Variants in DGKB observed in about 807,000 individuals in gnomAD.
DGKB encodes 90 kDa diacylglycerol kinase.
In DGKB, 67 loss-of-function variants were observed where a neutral mutation model predicts 114.3. That is an observed-to-expected ratio of 0.59 (90% CI 0.48 to 0.72). DGKB has a LOEUF of 0.72. DGKB is among the 30% of genes least tolerant of loss of function. DGKB has a pLI of 0.00. For missense variants in DGKB, 907 were observed against 975.2 expected, an observed-to-expected ratio of 0.93 and a Z score of 0.93; for synonymous variants, 398 against 323.1, an observed-to-expected ratio of 1.23 and a Z score of -2.49.
rs536250116 is a variant in DGKB, at chr7:14,187,308, C to A, written c.2123-9157G>T. The stretch of plus-strand genomic sequence containing the variant: ...ACATCTGGTTCAGCAGCAGACAAAC[C>A]TCCCTGGACAGATAGCCACAGGCCT... On this transcript the variant is annotated intron_variant, in intron 23 of 25. Transcript: ENST00000402815. Among the ~76,000 whole-genome samples the A allele has an allele frequency of 3.3e-5, 5 of 152,250 alleles. No individual in the cohort carries two copies. In the East Asian group the frequency reaches 9.7e-4, roughly 30 times the overall value.
At chr7:14,842,283 T>C (rs934406565) in intron 1 of DGKB, among the ~76,000 whole-genome samples, 17 of 152,208 alleles carry the variant, frequency 1.1e-4, no homozygotes, top group African/African-American at 4.1e-4. Context: ...ACTCATTTGG[T>C]CTTAGTGCCT....
At chr7:14,561,061 C>T (rs974849398) in intron 20 of DGKB, among the ~76,000 whole-genome samples, 2 of 152,028 alleles carry the variant, frequency 1.3e-5, no homozygotes, top group African/African-American at 4.8e-5. Flanking sequence ...GGCTGTGTCC[C>T]CATCCAAATC....
intron 2 of DGKB, among the ~76,000 whole-genome samples, chr7:14,838,523 A>ACTCTCTCTCTTCCCCTCT (rs1562676322): frequency 2.7e-5 from 4 of 150,474 alleles, no homozygotes; most frequent in African/African-American, 9.8e-5. Flanking sequence ...ATTTCAGATC[A>ACTCTCTCTCTTCCCCTCT]CTCTCTCTCT....
chr7:14,914,713 T>A (rs1394399520), intron 1 of DGKB, among the ~76,000 whole-genome samples: 2 of 152,000 alleles, frequency 1.3e-5, no homozygotes, highest in African/African-American at 4.8e-5. Flanking sequence ...AAATAGGGAA[T>A]TTAAAATAAC....
intron 23 of DGKB, among the ~76,000 whole-genome samples, chr7:14,295,597 T>G (rs555718614): frequency 6.6e-6 from 1 of 152,108 alleles, no homozygotes; most frequent in Non-Finnish European, 1.5e-5. Flanking sequence ...TTTTCTGTGA[T>G]AGTTTATTTT....
chr7:14,964,097 T>C (rs17168557), intron 1 of DGKB, among the ~76,000 whole-genome samples: 4,959 of 151,934 alleles, frequency 0.033, 243 homozygotes, highest in African/African-American at 0.11. Context: ...CAGTGAACAT[T>C]TGGAACAATC....
At chr7:14,167,083 T>G (rs1398093443) in intron 25 of DGKB, among the ~76,000 whole-genome samples, 1 of 151,798 alleles carries the variant, frequency 6.6e-6, no homozygotes. Context: ...TAGTAGTGTG[T>G]GCCTGTAGTC....
intron 23 of DGKB, among the ~76,000 whole-genome samples, chr7:14,279,039 C>T (rs550576732): frequency 2.6e-5 from 4 of 152,096 alleles, no homozygotes; most frequent in Non-Finnish European, 4.4e-5. Flanking sequence ...GTGAGCGAGC[C>T]GAAGCAGGGC....
chr7:14,157,140 C>G (rs1373748437), intron 25 of DGKB, among the ~76,000 whole-genome samples: 1 of 151,980 alleles, frequency 6.6e-6, no homozygotes, highest in Non-Finnish European at 1.5e-5. Flanking sequence ...AAAATAAATA[C>G]CATAAAATAT....
At chr7:14,560,302 A>G (rs1328569474) in intron 20 of DGKB, among the ~76,000 whole-genome samples, 3 of 152,186 alleles carry the variant, frequency 2.0e-5, no homozygotes, top group Admixed American at 6.5e-5. Context: ...ACATATCACT[A>G]GAGTTTATCC....
chr7:14,733,675 C>CAGAA lies in DGKB; in HGVS notation c.322+2362_322+2365dup, dbSNP rs144191232. On this transcript the variant is annotated intron_variant, in intron 5 of 25. Transcript: ENST00000402815. The stretch of plus-strand genomic sequence containing the variant: ...TGCACTCAAGCCTGAGACCCTGTGT[C>CAGAA]AGAAAGAAAGAAAGAACAAAAGAAC... Among the ~76,000 whole-genome samples, 193 of 149,014 alleles carry CAGAA rather than the reference C, an allele frequency of 1.3e-3. 1 individual carries two copies. The East Asian group carries it at 0.037, about 29-fold the overall frequency.
At chr7:14,876,404 GT>G (rs1853292967) in intron 1 of DGKB, among the ~76,000 whole-genome samples, 1 of 152,346 alleles carries the variant, frequency 6.6e-6, no homozygotes, top group African/African-American at 2.4e-5. Flanking sequence ...AACACTGCCT[GT>G]TGAGTAAAGC....
chr7:14,653,756 A>G (rs958637519), intron 13 of DGKB, among the ~76,000 whole-genome samples: 1 of 152,140 alleles, frequency 6.6e-6, no homozygotes, highest in Non-Finnish European at 1.5e-5. Flanking sequence ...ATAATACATC[A>G]ATAGAATAAA....
chr7:14,823,518 T>C (rs1410818523), intron 2 of DGKB, among the ~76,000 whole-genome samples: 1 of 152,118 alleles, frequency 6.6e-6, no homozygotes, highest in Non-Finnish European at 1.5e-5. Flanking sequence ...TTGGGAAAAC[T>C]GAGAGAACTA....
chr7:14,660,468 A>G (rs543464688), intron 13 of DGKB, among the ~76,000 whole-genome samples: 10 of 152,118 alleles, frequency 6.6e-5, no homozygotes, highest in East Asian at 3.9e-4. Context: ...GTGTCGAGGA[A>G]TTTATCCATT....
intron 23 of DGKB, among the ~76,000 whole-genome samples, chr7:14,278,303 C>A (rs1448235222): frequency 6.6e-6 from 1 of 152,082 alleles, no homozygotes; most frequent in Non-Finnish European, 1.5e-5. Context: ...GCATACAGAC[C>A]AATGGAATGG....
chr7:14,336,516 A>T (rs1404014071), intron 23 of DGKB, among the ~76,000 whole-genome samples: 1 of 152,120 alleles, frequency 6.6e-6, no homozygotes, highest in Admixed American at 6.6e-5. Context: ...ACAGAGAAAA[A>T]TGTATTACTA....
At chr7:14,412,865 C>A (rs779505666) in intron 21 of DGKB, among the ~76,000 whole-genome samples, 1 of 151,898 alleles carries the variant, frequency 6.6e-6, no homozygotes, top group Admixed American at 6.6e-5. Flanking sequence ...CCTGTAATCC[C>A]AGCTACTCAG....
At chr7:14,395,553 T>C (rs1032021208) in intron 21 of DGKB, among the ~76,000 whole-genome samples, 2 of 151,894 alleles carry the variant, frequency 1.3e-5, no homozygotes, top group African/African-American at 4.8e-5. Context: ...CATATAGTGA[T>C]GAGATTTAAA....
Sources: gnomAD v4.1 joint callset for allele counts (sites outside exome capture counted in the v4.1 genomes callset) on GRCh38, gnomAD v4.1.1 for gene constraint, MANE v1.5 for transcripts, NCBI Gene and HGNC (gene_info 2026-07-23, HGNC 2026-07-21) for gene names.